The following ANKS1B variants were observed in gnomAD, a reference collection of about 807,000 sequenced individuals.
ANKS1B encodes ankyrin repeat and sterile alpha motif domain containing 1B, also known as ankyrin repeat and sterile alpha motif domain-containing protein 1B.
A neutral mutation model predicts 148.3 loss-of-function variants in ANKS1B; 36 were observed. The observed-to-expected ratio is 0.24, with a 90% CI of 0.19 to 0.32. The LOEUF (loss-of-function observed/expected upper bound fraction) is 0.32. Ranked by LOEUF, ANKS1B falls within the 10% of genes least tolerant of loss-of-function variation. The pLI, the probability that ANKS1B is intolerant of heterozygous loss-of-function variation, is 1.00. For synonymous variants in ANKS1B, 542 were observed against 560.8 expected, an observed-to-expected ratio of 0.97 and a Z score of 0.47; for missense variants, 1,157 against 1,542.6, an observed-to-expected ratio of 0.75 and a Z score of 4.19.
At chr12:98,909,971 A>G (rs1370686406) in intron 17 of ANKS1B, among the ~76,000 whole-genome samples, 1 of 152,214 alleles carries the variant, frequency 6.6e-6, no homozygotes, top group Non-Finnish European at 1.5e-5. Flanking sequence ...TGGGCTTCTG[A>G]GCATTCATAA....
chr12:98,956,684 AGCT>A (rs1487586566), intron 17 of ANKS1B, among the ~76,000 whole-genome samples: 2 of 152,188 alleles, frequency 1.3e-5, no homozygotes. Flanking sequence ...GGGGATACAA[AGCT>A]AGACATTGAA....
At chr12:98,771,316 C>T (rs752162602) in intron 25 of ANKS1B, among the ~76,000 whole-genome samples, 27 of 151,776 alleles carry the variant, frequency 1.8e-4, no homozygotes, top group Non-Finnish European at 3.1e-4. Flanking sequence ...TACAGGTGTA[C>T]ACCACCATGT....
chr12:99,424,475 A>T (rs1170274630), intron 11 of ANKS1B, among the ~76,000 whole-genome samples: 1 of 148,830 alleles, frequency 6.7e-6, no homozygotes, highest in Non-Finnish European at 1.5e-5. Context: ...TTGACCAAGC[A>T]ATGGTGGTCA....
At chr12:98,833,849 G>T (rs1212936849) in intron 17 of ANKS1B, among the ~76,000 whole-genome samples, 1 of 152,066 alleles carries the variant, frequency 6.6e-6, no homozygotes, top group East Asian at 1.9e-4. Context: ...TGCAATATTT[G>T]GTTTTCTGTT....
At chr12:99,327,166 T>C (rs1190978971) in intron 12 of ANKS1B, among the ~76,000 whole-genome samples, 1 of 120,030 alleles carries the variant, frequency 8.3e-6, no homozygotes, top group Non-Finnish European at 1.6e-5. Context: ...ATATAATATA[T>C]AATTATATTA....
At chr12:99,880,207 T>C (rs1321225056) in intron 1 of ANKS1B, among the ~76,000 whole-genome samples, 1 of 152,188 alleles carries the variant, frequency 6.6e-6, no homozygotes, top group Non-Finnish European at 1.5e-5. Flanking sequence ...GAGAGTAATA[T>C]GCACTAAGCG....
chr12:99,805,165 G>A (rs2067433307), intron 4 of ANKS1B, among the ~76,000 whole-genome samples: 1 of 144,878 alleles, frequency 6.9e-6, no homozygotes, highest in South Asian at 2.2e-4. Context: ...AATAAGGGGA[G>A]AAGGTCACAA....
At chr12:98,746,502 T>G (rs201845814) in intron 26 of ANKS1B, among the ~76,000 whole-genome samples, 1 of 152,230 alleles carries the variant, frequency 6.6e-6, no homozygotes, top group Non-Finnish European at 1.5e-5. Context: ...AAGCCTTTCC[T>G]GTTTACTCCT....
intron 17 of ANKS1B, among the ~76,000 whole-genome samples, chr12:98,896,692 T>C (rs1489119894): frequency 2.0e-5 from 3 of 152,216 alleles, no homozygotes; most frequent in African/African-American, 4.8e-5. Context: ...TCTTGACTGG[T>C]GTACTCTTTG....
chr12:99,417,939 C>T (rs577250007), intron 11 of ANKS1B, among the ~76,000 whole-genome samples: 1 of 152,274 alleles, frequency 6.6e-6, no homozygotes, highest in Non-Finnish European at 1.5e-5. Context: ...CTTCAAACTG[C>T]TAAATGAAAA....
chr12:99,265,814 C>T (rs1483462461), intron 12 of ANKS1B, among the ~76,000 whole-genome samples: 4 of 152,112 alleles, frequency 2.6e-5, no homozygotes, highest in South Asian at 2.1e-4. Context: ...TTCTTTACTT[C>T]GTGCTTTAAC....
intron 9 of ANKS1B, among the ~76,000 whole-genome samples, chr12:99,519,336 A>C (rs2096852978): frequency 1.3e-5 from 2 of 152,098 alleles, no homozygotes; most frequent in South Asian, 4.1e-4. Flanking sequence ...CCTAGCTATT[A>C]TTGTATTAAG....
At chr12:99,090,799 T>C (rs544589097) in intron 15 of ANKS1B, among the ~76,000 whole-genome samples, 189 of 152,280 alleles carry the variant, frequency 1.2e-3, no homozygotes, top group African/African-American at 4.4e-3. Flanking sequence ...GTTATTGTGC[T>C]AAATACCAGA....
intron 8 of ANKS1B, among the ~76,000 whole-genome samples, chr12:99,741,033 T>C (rs1377320765): frequency 6.6e-6 from 1 of 151,862 alleles, no homozygotes; most frequent in Non-Finnish European, 1.5e-5. Context: ...AATGGTGAAA[T>C]GCCATTTCTA....
At position 99,246,833 on chromosome 12, in the gene ANKS1B, G is replaced by T; in HGVS notation, c.1788C>A (p.Pro596=). ...DDLSRQDDND[P]PKEYDPGQFA... ...ATTGCCCAGGATCATATTCTTTTGG[G>T]GGATCATTGTCATCCTGTCGGGAGA... is the stretch of plus-strand genomic sequence containing the variant. The change falls in exon 13 of 27, where the codon CCC becomes CCA. Residue 596 remains proline, a synonymous_variant. Coordinates refer to ENST00000683438, the MANE Select transcript of ANKS1B (RefSeq NM_001352186.2). 6.2e-7 allele frequency: 1 copy of T among 1,603,466 alleles called. No homozygotes were observed. The highest frequency in any genetic ancestry group is 8.5e-7 in the Non-Finnish European group (1 of 1,177,530).
chr12:99,974,416 T>C (rs1009291631), intron 1 of ANKS1B, among the ~76,000 whole-genome samples: 1 of 152,176 alleles, frequency 6.6e-6, no homozygotes, highest in African/African-American at 2.4e-5. Flanking sequence ...ACGTCTGATA[T>C]AGGCAAATAA....
At chr12:99,487,524 G>A (rs1286043706) in intron 10 of ANKS1B, among the ~76,000 whole-genome samples, 2 of 151,796 alleles carry the variant, frequency 1.3e-5, no homozygotes, top group Non-Finnish European at 1.5e-5. Context: ...GACTTGATTA[G>A]CATTGCCTAT....
chr12:98,794,462 A>T, intron 22 of ANKS1B: 1 of 282,192 alleles, frequency 3.5e-6, no homozygotes, highest in Admixed American at 4.7e-5. Context: ...CGTTTGGTCG[A>T]TGGGGACCCA....
intron 9 of ANKS1B, among the ~76,000 whole-genome samples, chr12:99,505,198 C>T (rs2096697074): frequency 6.6e-6 from 1 of 152,008 alleles, no homozygotes; most frequent in African/African-American, 2.4e-5. Context: ...CAAGAATCTT[C>T]AGATCAAAAA....
Sources: allele counts gnomAD v4.1 joint callset (sites outside exome capture counted in the v4.1 genomes callset), GRCh38; gene constraint gnomAD v4.1.1; transcripts MANE v1.5; gene names NCBI Gene and HGNC (gene_info 2026-07-23, HGNC 2026-07-21).